The following DZIP1 variants were observed in gnomAD, a reference collection of about 807,000 sequenced individuals.
The protein encoded by DZIP1 is DAZ interacting zinc finger protein 1.
DZIP1 carries 97 observed loss-of-function variants against 107.6 expected under a neutral mutation model. That is an observed-to-expected ratio of 0.90 (90% confidence interval 0.77 to 1.07). The LOEUF is 1.07. Ranked by LOEUF, DZIP1 falls within the 50% of genes least tolerant of loss-of-function variation. The probability of loss-of-function intolerance (pLI) is 0.00; values close to 1 mark genes in which losing one functional copy is unlikely to be tolerated. For synonymous variants in DZIP1, 390 were observed against 386.4 expected (o/e 1.01, Z -0.11); for missense variants, 1,035 against 1,063.6 (o/e 0.97, Z 0.37).
intron 16 of DZIP1, among the ~76,000 whole-genome samples, chr13:95,591,483 C>A (rs1318530119): frequency 6.6e-6 from 1 of 152,040 alleles, no homozygotes; most frequent in African/African-American, 2.4e-5. Flanking sequence ...ATCTTTGTTC[C>A]CATCCCCCTT....
chr13:95,609,162 T>C (rs1369790013), intron 13 of DZIP1, among the ~76,000 whole-genome samples: 2 of 152,236 alleles, frequency 1.3e-5, no homozygotes, highest in African/African-American at 2.4e-5. Context: ...TGTATCACTT[T>C]GAGAAGTCTA....
chr13:95,634,005 C>G (rs918845978), intron 5 of DZIP1, among the ~76,000 whole-genome samples: 9 of 152,186 alleles, frequency 5.9e-5, no homozygotes, highest in African/African-American at 1.7e-4. Flanking sequence ...AAAACTACCT[C>G]TTGACAGTTA....
intron 5 of DZIP1, among the ~76,000 whole-genome samples, chr13:95,634,084 T>C (rs907826867): frequency 9.2e-5 from 14 of 152,114 alleles, no homozygotes; most frequent in African/African-American, 3.4e-4. Flanking sequence ...TTCCACTCTA[T>C]CAACAACAAC....
intron 14 of DZIP1, among the ~76,000 whole-genome samples, chr13:95,605,768 G>T (rs1470268164): frequency 6.6e-6 from 1 of 152,224 alleles, no homozygotes; most frequent in Non-Finnish European, 1.5e-5. Flanking sequence ...CTACTTGTGA[G>T]TCTGGCAACC....
intron 10 of DZIP1, among the ~76,000 whole-genome samples, chr13:95,615,181 A>C (rs1008633798): frequency 6.6e-6 from 1 of 152,186 alleles, no homozygotes; most frequent in Non-Finnish European, 1.5e-5. Flanking sequence ...TTCTTCCTCC[A>C]TGACAACTGT....
chr13:95,639,290 A>C (rs183960515), intron 5 of DZIP1, among the ~76,000 whole-genome samples: 8 of 152,260 alleles, frequency 5.3e-5, no homozygotes, highest in African/African-American at 1.9e-4. Context: ...TATCATTCAC[A>C]TTTGAAAATC....
At chr13:95,590,564 G>A in intron 16 of DZIP1, 123 bp from the exon 17 acceptor site, 2 of 981,958 alleles carry the variant, frequency 2.0e-6, no homozygotes, top group Non-Finnish European at 2.9e-6. Context: ...GTGTGTAGAG[G>A]GTAAGGGTGC....
chr13:95,595,675 C>T (rs1020926694), intron 15 of DZIP1, among the ~76,000 whole-genome samples: 2 of 151,950 alleles, frequency 1.3e-5, no homozygotes, highest in African/African-American at 2.4e-5. Flanking sequence ...AAAGAGGCAC[C>T]GAGAGAGCCT....
At chr13:95,606,702 A>G (rs947467361) in intron 13 of DZIP1, among the ~76,000 whole-genome samples, 1 of 152,194 alleles carries the variant, frequency 6.6e-6, no homozygotes, top group African/African-American at 2.4e-5. Flanking sequence ...TGCAATGAAC[A>G]TTCATGCAAA....
intron 9 of DZIP1, among the ~76,000 whole-genome samples, chr13:95,621,376 G>T (rs1012454612): frequency 1.3e-5 from 2 of 152,186 alleles, no homozygotes; most frequent in Admixed American, 6.5e-5. Context: ...GTCACTGAAG[G>T]ACTTCAGACA....
At chr13:95,631,673 C>T (rs1262390476) in intron 6 of DZIP1, among the ~76,000 whole-genome samples, 2 of 152,160 alleles carry the variant, frequency 1.3e-5, no homozygotes, top group African/African-American at 2.4e-5. Flanking sequence ...TCTATATTGT[C>T]GGTGGTGCAC....
chr13:95,637,425 T>C (rs76594401), intron 5 of DZIP1, among the ~76,000 whole-genome samples: 14,371 of 152,044 alleles, frequency 0.095, 706 homozygotes, highest in East Asian at 0.17. Context: ...TTAAATAAGA[T>C]CATAAGGCGG....
In DZIP1 at chr13:95,641,877, C is replaced by G. The variant is rs540773465; in HGVS notation, c.37-22G>C. The G allele has an allele frequency of 1.1e-5, 12 of 1,057,612 alleles. No homozygotes were observed. In the Admixed American group the frequency reaches 3.5e-4, roughly 31 times the overall value. The allele number at this position is 1,057,612 out of a possible 1,614,324, so 65.5% of individuals were successfully genotyped here. ...AGGGCTGCGGGGGGCACAAAGAGAGCGCGGCGGGAGGCGGGGATGGGGGGC... is the reference window on the plus strand; with the variant it reads ...AGGGCTGCGGGGGGCACAAAGAGAGGGCGGCGGGAGGCGGGGATGGGGGGC... On this transcript the variant is annotated intron_variant, in intron 4 of 22. Coordinates refer to ENST00000376829, the MANE Select transcript of DZIP1 (RefSeq NM_198968.4). This position sits in a 1 kb window ranked among gnomAD's most constrained non-coding sequence, Gnocchi z 4.3.
At chr13:95,596,141 G>C (rs750357603) in intron 15 of DZIP1, among the ~76,000 whole-genome samples, 2 of 152,152 alleles carry the variant, frequency 1.3e-5, no homozygotes. Context: ...AGAATGTAGA[G>C]TAAGCAGGGA....
Position 95,642,039 on chromosome 13 carries a change from C to T in DZIP1, c.-10G>A, listed in dbSNP as rs779463770. 116 of 1,566,518 alleles carry T rather than the reference C, an allele frequency of 7.4e-5. No individual in the cohort carries two copies. The highest frequency in any genetic ancestry group is 9.4e-5 in the Non-Finnish European group (109 of 1,162,302). On this transcript the variant is annotated 5_prime_UTR_variant, in exon 4 of 23. Coordinates refer to ENST00000376829, the MANE Select transcript of DZIP1 (RefSeq NM_198968.4). ...CTGCCTCAGCTTGCATAGGAGGAGC[C>T]GGGCGGTCTTTACCCAGCCTGGGCC...
Position 95,642,055 on chromosome 13 carries a change from AGCCTGG to A in DZIP1, c.-32_-27del. On this transcript the variant is annotated 5_prime_UTR_variant, in exon 4 of 23. Coordinates refer to ENST00000376829, the MANE Select transcript of DZIP1 (RefSeq NM_198968.4). ...AGGAGGAGCCGGGCGGTCTTTACCC[AGCCTGG>A]GCCGCCTCCCGGGCCGCCGCCGCCA... The A allele has an allele frequency of 6.5e-7, 1 of 1,528,490 alleles. No individual in the cohort carries two copies. The highest frequency in any genetic ancestry group is 8.7e-7 in the Non-Finnish European group (1 of 1,147,350). The allele number at this position is 1,528,490 out of a possible 1,614,324, so 94.7% of individuals were successfully genotyped here. A position where few individuals can be genotyped will look rare whatever the true frequency, so the allele number is the denominator to read the frequency against.
chr13:95,595,637 G>T (rs1313826805), intron 15 of DZIP1, among the ~76,000 whole-genome samples: 1 of 152,058 alleles, frequency 6.6e-6, no homozygotes, highest in Non-Finnish European at 1.5e-5. Flanking sequence ...TGGCCATCAA[G>T]TGTGCAACTG....
Position 95,599,451 on chromosome 13 carries a change from T to C in DZIP1, c.1478-27A>G, listed in dbSNP as rs369760869. ...TATTAACAAGGAAAAATAAGAACAG[T>C]ACAAACAGGACAACAGCAAAGTTAC... On this transcript the variant is annotated intron_variant, in intron 14 of 22. Transcript: ENST00000376829. The C allele has an allele frequency of 9.5e-5, 150 of 1,571,842 alleles. 1 individual carries two copies. In the African/African-American group the frequency reaches 1.6e-3, roughly 17 times the overall value.
At chr13:95,633,133 C>T in intron 6 of DZIP1, 101 bp downstream of exon 6, 1 of 1,104,036 alleles carries the variant, frequency 9.1e-7, no homozygotes, top group Non-Finnish European at 1.3e-6. Context: ...GACCGTGATG[C>T]TTCTTTTAAG....
Sources: gnomAD v4.1 joint callset for allele counts (sites outside exome capture counted in the v4.1 genomes callset) on GRCh38, gnomAD v4.1.1 for gene constraint, Gnocchi (gnomAD v3.1) non-coding constraint, MANE v1.5 for transcripts, NCBI Gene and HGNC (gene_info 2026-07-23, HGNC 2026-07-21) for gene names.